CHD1: variants seen among roughly 807,000 people sequenced by gnomAD.
CHD1 encodes chromodomain helicase DNA binding protein 1, also known as ATP-dependent chromatin remodeler CHD1.
In CHD1, 36 loss-of-function variants were observed where a neutral mutation model predicts 224.2. That is an observed-to-expected ratio of 0.16 (90% CI 0.12 to 0.21). CHD1 has a LOEUF of 0.21. Ranked by LOEUF, CHD1 falls within the 10% of genes least tolerant of loss-of-function variation. The pLI, the probability that CHD1 is intolerant of heterozygous loss-of-function variation, is 1.00. For synonymous variants in CHD1, 668 were observed against 658.3 expected, an observed-to-expected ratio of 1.01 and a Z score of -0.23; for missense variants, 1,378 against 1,994.8, an observed-to-expected ratio of 0.69 and a Z score of 5.89.
At chr5:98,899,925 A>G (rs897653465) in intron 7 of CHD1, among the ~76,000 whole-genome samples, 3 of 152,194 alleles carry the variant, frequency 2.0e-5, no homozygotes, top group African/African-American at 7.2e-5. Context: ...GAAAAAATAA[A>G]AAGACAGAGA....
Position 98,895,067 on chromosome 5 carries a change from T to C in CHD1, c.1711-381A>G, listed in dbSNP as rs539277110. 2.6e-5 allele frequency among the ~76,000 whole-genome samples: 4 copies of C among 152,276 alleles called. 1 individual carries two copies. Among genetic ancestry groups the C allele is most frequent in the African/African-American group, 9.6e-5 (4 of 41,566 alleles). ...AACTCCCAGCCTCAGATGATCCACC[T>C]ACCTTGGCCTCCCAAAGCGCTGGGA... On this transcript the variant is annotated intron_variant, in intron 12 of 35. Transcript: ENST00000614616.
chr5:98,868,183 C>A (rs141907527), intron 31 of CHD1, among the ~76,000 whole-genome samples: 4 of 151,898 alleles, frequency 2.6e-5, no homozygotes, highest in African/African-American at 9.7e-5. Flanking sequence ...TAAAAATTAG[C>A]TGGGTATATG....
intron 15 of CHD1, among the ~76,000 whole-genome samples, chr5:98,890,005 T>C (rs948755895): frequency 6.6e-6 from 1 of 152,130 alleles, no homozygotes; most frequent in Non-Finnish European, 1.5e-5. Context: ...AGTTAAACAC[T>C]GAGCACACAT....
At chr5:98,921,645 A>G (rs998246609) in intron 2 of CHD1, among the ~76,000 whole-genome samples, 7 of 152,228 alleles carry the variant, frequency 4.6e-5, no homozygotes, top group African/African-American at 1.7e-4. Flanking sequence ...TTAAAACACA[A>G]AACTGCACCA....
At chr5:98,883,816 T>C (rs549062495) in intron 18 of CHD1, 11 of 167,446 alleles carry the variant, frequency 6.6e-5, no homozygotes, top group Non-Finnish European at 9.8e-5. Flanking sequence ...CTAGATGGGA[T>C]TGGAGACTAA....
chr5:98,879,671 A>T lies in CHD1; in HGVS notation c.3118T>A (p.Ser1040Thr). 1 of 1,608,132 alleles carries T rather than the reference A, an allele frequency of 6.2e-7. No individual in the cohort carries two copies. Among genetic ancestry groups the T allele is most frequent in the Non-Finnish European group, 8.5e-7 (1 of 1,178,378 alleles). ...DDIELEPERN[S>T]KNWEEIIPED... ...GGAATAATTTCCTCCCAATTCTTTG[A>T]ATTTCTTTCAGGTTCCAACTCAATG... The change falls in exon 23 of 36, where the codon TCA (serine) becomes ACA (threonine). Residue 1040 changes from serine (S) to threonine (T), a missense_variant. This residue lies in a region of CHD1 where 286 missense variants were observed against 445.1 expected (regional missense o/e 0.64). Transcript: ENST00000614616.
chr5:98,866,069 A>G (rs766583652), intron 31 of CHD1, among the ~76,000 whole-genome samples: 14 of 152,126 alleles, frequency 9.2e-5, no homozygotes, highest in Non-Finnish European at 1.9e-4. Flanking sequence ...AAGCTAAAGA[A>G]TACCACCTCC....
rs767540332 is a variant in CHD1, at chr5:98,926,323, T to C, written c.53+11A>G. On this transcript the variant is annotated intron_variant, in intron 2 of 35. Coordinates refer to ENST00000614616, the MANE Select transcript of CHD1 (RefSeq NM_001270.4). Reference sequence around the variant, plus strand: ...TCATAGTAAACAATTGATAACAAAGTGCTTACTTACCTTGATTCTCCACTA... The same window carrying C: ...TCATAGTAAACAATTGATAACAAAGCGCTTACTTACCTTGATTCTCCACTA... The C allele has an allele frequency of 2.7e-6, 4 of 1,486,596 alleles. No individual in the cohort carries two copies. The highest frequency in any genetic ancestry group is 3.6e-6 in the Non-Finnish European group (4 of 1,099,548). The allele number at this position is 1,486,596 out of a possible 1,614,324, so 92.1% of individuals were successfully genotyped here. A position where few individuals can be genotyped will look rare whatever the true frequency, so the allele number is the denominator to read the frequency against.
intron 11 of CHD1, 76 bp downstream of exon 11, chr5:98,897,117 T>C: frequency 7.2e-7 from 1 of 1,396,854 alleles, no homozygotes; most frequent in Middle Eastern, 1.9e-4. Flanking sequence ...TTTATGTAAA[T>C]GGAAATCTTT....
rs80014013 is a variant in CHD1 at position 98,909,413 on chromosome 5, T to G, written c.54-4315A>C. ...CTTCTACCAGATGGCATTTAATGTT[T>G]TGTTGTTTTCTTTTGTGTGAGATTT... On this transcript the variant is annotated intron_variant, in intron 2 of 35. Coordinates refer to ENST00000614616, the MANE Select transcript of CHD1 (RefSeq NM_001270.4). 7.9e-3 allele frequency among the ~76,000 whole-genome samples: 1,202 copies of G among 152,244 alleles called. 13 individuals carry two copies. Among genetic ancestry groups the G allele is most frequent in the South Asian group, 0.037 (178 of 4,830 alleles).
chr5:98,882,316 A>ATCCT (rs1277841812), intron 19 of CHD1, among the ~76,000 whole-genome samples, 193 bp from the exon 20 acceptor site: 2 of 151,718 alleles, frequency 1.3e-5, no homozygotes, highest in Non-Finnish European at 2.9e-5. Context: ...TTGAAACTAT[A>ATCCT]TCCTTCCTTC....
At chr5:98,886,902 G>A (rs991009814) in intron 17 of CHD1, among the ~76,000 whole-genome samples, 3 of 152,004 alleles carry the variant, frequency 2.0e-5, no homozygotes, top group Admixed American at 6.6e-5. Flanking sequence ...GAGAAGTGGC[G>A]CTTATTAACA....
chr5:98,926,443 A>C lies in CHD1; in HGVS notation c.-57T>G. Reference sequence around the variant, plus strand: ...AATATAAATCTTCCCAGTTTAAAAGATGAATATAAATACTGACTCCTTGAA... The same window carrying C: ...AATATAAATCTTCCCAGTTTAAAAGCTGAATATAAATACTGACTCCTTGAA... On this transcript the variant is annotated 5_prime_UTR_variant, in exon 2 of 36. Coordinates refer to ENST00000614616, the MANE Select transcript of CHD1 (RefSeq NM_001270.4). 1.1e-6 allele frequency: 1 copy of C among 906,168 alleles called. No individual in the cohort carries two copies. Among genetic ancestry groups the C allele is most frequent in the South Asian group, 1.8e-5 (1 of 54,312 alleles). 56.1% of individuals were successfully genotyped at this position (906,168 alleles called of 1,614,324 possible). A position where few individuals can be genotyped will look rare whatever the true frequency, so the allele number is the denominator to read the frequency against.
rs868508990 is a variant in CHD1 at position 98,922,640 on chromosome 5, A to T, written c.53+3694T>A. On this transcript the variant is annotated intron_variant, in intron 2 of 35. Coordinates refer to ENST00000614616, the MANE Select transcript of CHD1 (RefSeq NM_001270.4). ...CCACTAAAAAACCAAAATTTACTTT[A>T]AAAAGCTACTTACAATGAATATCAA... 2.6e-4 allele frequency among the ~76,000 whole-genome samples: 40 copies of T among 152,246 alleles called. 1 individual carries two copies. Among genetic ancestry groups the T allele is most frequent in the Non-Finnish European group, 1.0e-4 (7 of 68,046 alleles).
chr5:98,872,625 T>C lies in CHD1; in HGVS notation c.3572-70A>G. 3 of 1,232,182 alleles carry C rather than the reference T, an allele frequency of 2.4e-6. No individual in the cohort carries two copies. In the South Asian group the frequency reaches 3.8e-5, roughly 16 times the overall value. The allele number at this position is 1,232,182 out of a possible 1,614,324, so 76.3% of individuals were successfully genotyped here. ...ATAATTCTACAAAACACCAAGCAAC[T>C]GATGCTATTACTTATGTTATTTAAC... On this transcript the variant is annotated intron_variant, in intron 26 of 35. Transcript: ENST00000614616.
In CHD1 at chr5:98,928,630, C is replaced by G. The variant is rs1240157078; in HGVS notation, c.-240G>C. ...ATCTCCGCCGCCCAGTCCTAGGGCT[C>G]CGGCGTCTCGGGGTAAGCAAGAGTC... On this transcript the variant is annotated 5_prime_UTR_variant, in exon 1 of 36. Transcript: ENST00000614616. 1.3e-5 allele frequency: 2 copies of G among 152,240 alleles called. No homozygotes were observed. The highest frequency in any genetic ancestry group is 4.8e-5 in the African/African-American group (2 of 41,440). The allele number at this position is 152,240 out of a possible 1,614,324, so 9.4% of individuals were successfully genotyped here.
intron 20 of CHD1, 70 bp downstream of exon 20, chr5:98,881,905 T>C: frequency 1.5e-6 from 2 of 1,304,230 alleles, no homozygotes; most frequent in Non-Finnish European, 2.2e-6. Flanking sequence ...TGATCTACAG[T>C]GATGTAACAT....
rs1164817509 is a variant in CHD1, at chr5:98,879,465, T to G, written c.3237+87A>C. The G allele has an allele frequency of 2.5e-6, 3 of 1,210,802 alleles. No individual in the cohort carries two copies. The African/African-American group carries it at 4.6e-5, about 19-fold the overall frequency. The allele number at this position is 1,210,802 out of a possible 1,614,324, so 75.0% of individuals were successfully genotyped here. ...AGGCCATTACAAGAAAAGAAAACTATGGACTGATACCTCGTAGAAACAAAC... is the reference window on the plus strand; with the variant it reads ...AGGCCATTACAAGAAAAGAAAACTAGGGACTGATACCTCGTAGAAACAAAC... On this transcript the variant is annotated intron_variant, in intron 23 of 35. Coordinates refer to ENST00000614616, the MANE Select transcript of CHD1 (RefSeq NM_001270.4).
Position 98,893,582 on chromosome 5 carries a change from C to A in CHD1, c.1825G>T (p.Ala609Ser). Reference sequence around the variant, plus strand: ...TGTGCTTCATCAACACCTATAAATGCCCAATTTAGACCTCCAAGGAATGCC... The same window carrying A: ...TGTGCTTCATCAACACCTATAAATGACCAATTTAGACCTCCAAGGAATGCC... ...DKAFLGGLNW[A>S]FIGVDEAHRL... Residue 609 changes from alanine to serine, a missense_variant, in exon 14 of 36, where the codon GCA becomes TCA. Ala to Ser is a moderately conservative substitution (Grantham distance 99). This residue lies in a region of CHD1 where 18 missense variants were observed against 16.1 expected (regional missense o/e 1.11). Coordinates refer to ENST00000614616, the MANE Select transcript of CHD1 (RefSeq NM_001270.4). 1 of 1,602,046 alleles carries A rather than the reference C, an allele frequency of 6.2e-7. No individual in the cohort carries two copies. Among genetic ancestry groups the A allele is most frequent in the Non-Finnish European group, 8.5e-7 (1 of 1,174,618 alleles).
Sources: allele counts gnomAD v4.1 joint callset (sites outside exome capture counted in the v4.1 genomes callset), GRCh38; gene constraint gnomAD v4.1.1; regional missense constraint gnomAD v4.1.1; transcripts MANE v1.5; gene names NCBI Gene and HGNC (gene_info 2026-07-23, HGNC 2026-07-21).